DNM2: variants seen among roughly 807,000 people sequenced by gnomAD.
DNM2 encodes dynamin 2, also known as dynamin-2.
In DNM2, 15 loss-of-function variants were observed where a neutral mutation model predicts 99.0. That is an observed-to-expected ratio of 0.15 (90% CI 0.10 to 0.23). DNM2 has a LOEUF of 0.23. Among genes scored for constraint, DNM2 ranks in the 10% least tolerant of loss-of-function variants. DNM2 has a pLI of 1.00. For missense variants in DNM2, 742 were observed against 1,189.4 expected, an observed-to-expected ratio of 0.62 and a Z score of 5.53; for synonymous variants, 525 against 481.2, an observed-to-expected ratio of 1.09 and a Z score of -1.19.
At chr19:10,718,958 T>C (rs1599404105) in intron 1 of DNM2, among the ~76,000 whole-genome samples, 2 of 152,136 alleles carry the variant, frequency 1.3e-5, no homozygotes, top group South Asian at 4.1e-4. Flanking sequence ...CTGTCCAGGG[T>C]GACCTCTGCT....
At chr19:10,723,352 C>G (rs970684263) in intron 1 of DNM2, among the ~76,000 whole-genome samples, 1 of 152,148 alleles carries the variant, frequency 6.6e-6, no homozygotes. Flanking sequence ...AGGCTGGTCT[C>G]GAACTCCCGA....
intron 17 of DNM2, 199 bp from the exon 18 acceptor site, chr19:10,824,858 C>T (rs1470574324): frequency 1.4e-6 from 1 of 728,760 alleles, no homozygotes; most frequent in African/African-American, 1.8e-5. Context: ...TGAGGGGATC[C>T]ACCCCAGCAT....
At chr19:10,807,860 T>C (rs2072403645) in intron 13 of DNM2, among the ~76,000 whole-genome samples, 1 of 149,536 alleles carries the variant, frequency 6.7e-6, no homozygotes, top group Middle Eastern at 3.2e-3. Context: ...TAAGAAAACC[T>C]GGACGGGCAC....
chr19:10,744,567 G>C (rs1464570517), intron 1 of DNM2, among the ~76,000 whole-genome samples: 1 of 152,158 alleles, frequency 6.6e-6, no homozygotes, highest in Non-Finnish European at 1.5e-5. Flanking sequence ...AATGCAGACT[G>C]TGGGTGGTGC....
chr19:10,756,482 A>G (rs560854615), intron 1 of DNM2, among the ~76,000 whole-genome samples: 2 of 152,154 alleles, frequency 1.3e-5, no homozygotes, highest in African/African-American at 2.4e-5. Context: ...GCTCCTCATC[A>G]GCCGAATGGG....
At chr19:10,761,279 G>A (rs1362684883) in intron 2 of DNM2, among the ~76,000 whole-genome samples, 4 of 152,192 alleles carry the variant, frequency 2.6e-5, no homozygotes, top group Non-Finnish European at 4.4e-5. Context: ...GAGCCACCGC[G>A]CCCGGCCACC....
rs1568317777 is a variant in DNM2 at position 10,818,257 on chromosome 19, ATGCTCTGCTCCCTCCATGGCCACCG to A, written c.1672-1722_1672-1698del. 6.8e-6 allele frequency among the ~76,000 whole-genome samples: 1 copy of A among 146,906 alleles called. No homozygotes were observed. The highest frequency in any genetic ancestry group is 2.1e-4 in the East Asian group (1 of 4,874). On this transcript the variant is annotated intron_variant, in intron 15 of 20. Transcript: ENST00000389253. The surrounding 1 kb of genome is among the most constrained non-coding windows in gnomAD (Gnocchi z 4.3). ...TCCATGGCCACCGGGCCCCTCTCCTATGCTCTGCTCCCTCCATGGCCACCGGGCCCCTCTTCCTATGCTCTGCCCT... is the reference window on the plus strand; with the variant it reads ...TCCATGGCCACCGGGCCCCTCTCCTAGGCCCCTCTTCCTATGCTCTGCCCT...
chr19:10,736,968 G>A (rs552172206), intron 1 of DNM2, among the ~76,000 whole-genome samples: 74 of 152,198 alleles, frequency 4.9e-4, no homozygotes, highest in Middle Eastern at 3.4e-3. Context: ...GCAACATAAC[G>A]AGACCCCCAT....
At chr19:10,729,406 C>A (rs1183727221) in intron 1 of DNM2, among the ~76,000 whole-genome samples, 1 of 151,916 alleles carries the variant, frequency 6.6e-6, no homozygotes, top group African/African-American at 2.4e-5. Context: ...AGCGGTTTGC[C>A]CTGTACTGCA....
intron 1 of DNM2, among the ~76,000 whole-genome samples, chr19:10,726,924 A>G (rs1246207423): frequency 6.6e-6 from 1 of 152,186 alleles, no homozygotes; most frequent in Admixed American, 6.5e-5. Context: ...GTGTCCAGAC[A>G]ACCGACTATC....
chr19:10,738,452 A>C (rs1224972322), intron 1 of DNM2, among the ~76,000 whole-genome samples: 1 of 151,764 alleles, frequency 6.6e-6, no homozygotes, highest in Non-Finnish European at 1.5e-5. Flanking sequence ...CCTCATGTCA[A>C]CAAAAACAGA....
chr19:10,731,534 A>G (rs148879160), intron 1 of DNM2, among the ~76,000 whole-genome samples: 4,718 of 151,882 alleles, frequency 0.031, 80 homozygotes, highest in South Asian at 0.095. Flanking sequence ...TTGTATTTTT[A>G]GTAGAGATGG....
chr19:10,756,009 C>T (rs2070369826), intron 1 of DNM2, among the ~76,000 whole-genome samples: 1 of 152,158 alleles, frequency 6.6e-6, no homozygotes, highest in South Asian at 2.1e-4. Context: ...TGTCCCTGCC[C>T]CTCAGGTCCC....
At position 10,830,445 on chromosome 19, in the gene DNM2, TCCTC is replaced by T; in HGVS notation, c.2543+70_2543+73del. The T allele has an allele frequency of 6.5e-7, 1 of 1,536,244 alleles. No homozygotes were observed. Among genetic ancestry groups the T allele is most frequent in the Non-Finnish European group, 8.9e-7 (1 of 1,127,080 alleles). ...CTGGGGTCTCTCCTCCTGTCTCACT[TCCTC>T]CCAGTGAGCTCTCACTACGTGCCCA... On this transcript the variant is annotated intron_variant, in intron 20 of 20. Coordinates refer to ENST00000389253, the MANE Select transcript of DNM2 (RefSeq NM_001005361.3). This position sits in a 1 kb window ranked among gnomAD's most constrained non-coding sequence, Gnocchi z 4.8.
chr19:10,783,105 G>T lies in DNM2; in HGVS notation c.834G>T (p.Gln278His), dbSNP rs190927582. The change falls in exon 6 of 21, where the codon CAG (glutamine) becomes CAT (histidine). Residue 278 changes from glutamine to histidine, a missense_variant. Physicochemically the swap from Gln to His is conservative, Grantham distance 24. Coordinates refer to ENST00000389253, the MANE Select transcript of DNM2 (RefSeq NM_001005361.3). Reference protein sequence around the residue: ...MADRMGTPHLQKTLNQQLTNH... With the variant: ...MADRMGTPHLHKTLNQQLTNH... ...ACCGCATGGGCACGCCACATCTGCAGAAGACGCTGAATCAGGTACTGCAAG... is the reference window on the plus strand; with the variant it reads ...ACCGCATGGGCACGCCACATCTGCATAAGACGCTGAATCAGGTACTGCAAG... 1 of 1,612,124 alleles carries T rather than the reference G, an allele frequency of 6.2e-7. No homozygotes were observed. The highest frequency in any genetic ancestry group is 1.7e-5 in the Admixed American group (1 of 60,032).
At chr19:10,808,340 G>A (rs936383246) in intron 13 of DNM2, among the ~76,000 whole-genome samples, 1 of 152,090 alleles carries the variant, frequency 6.6e-6, no homozygotes, top group East Asian at 1.9e-4. Flanking sequence ...TAATACATAT[G>A]TTGTTGCTTT....
intron 1 of DNM2, among the ~76,000 whole-genome samples, chr19:10,749,147 C>T (rs555495575): frequency 6.6e-6 from 1 of 152,316 alleles, no homozygotes; most frequent in South Asian, 2.1e-4. Context: ...CTGGGCCACA[C>T]TGCTGACTCA....
chr19:10,799,544 T>G (rs560835630), intron 11 of DNM2, among the ~76,000 whole-genome samples: 6 of 150,722 alleles, frequency 4.0e-5, no homozygotes, highest in African/African-American at 1.5e-4. Context: ...GTTTTTTTTT[T>G]TTTTTTTGAG....
intron 2 of DNM2, among the ~76,000 whole-genome samples, chr19:10,760,827 ATTTT>A (rs57290103): frequency 2.4e-5 from 1 of 41,260 alleles, no homozygotes; most frequent in Non-Finnish European, 4.1e-5. Flanking sequence ...CACCCAGCTG[ATTTT>A]TTTTTTTTTT....
Sources: allele counts gnomAD v4.1 joint callset (sites outside exome capture counted in the v4.1 genomes callset), GRCh38; gene constraint gnomAD v4.1.1; non-coding constraint Gnocchi (gnomAD v3.1); transcripts MANE v1.5; gene names NCBI Gene and HGNC (gene_info 2026-07-23, HGNC 2026-07-21).